MOSPD1: variants seen among roughly 807,000 people sequenced by gnomAD.
The protein encoded by MOSPD1 is motile sperm domain-containing protein 1.
A neutral mutation model predicts 16.7 loss-of-function variants in MOSPD1; 5 were observed. The ratio of observed to expected loss-of-function variants is 0.30; its 90% CI spans 0.16 to 0.63. The LOEUF (loss-of-function observed/expected upper bound fraction) is 0.63. MOSPD1 is among the 30% of genes least tolerant of loss of function. MOSPD1 has a pLI of 0.82. For synonymous variants in MOSPD1, 67 were observed against 59.2 expected (o/e 1.13, Z -0.61); for missense variants, 104 against 153.6 (o/e 0.68, Z 1.71).
intron 1 of MOSPD1, among the ~76,000 whole-genome samples, chrX:134,901,951 AAC>A (rs2082913427): frequency 8.9e-6 from 1 of 112,397 alleles, no homozygotes. Context: ...TATAATTCAT[AAC>A]AGATTATAAA....
chrX:134,907,219 C>T (rs186983920), intron 1 of MOSPD1, among the ~76,000 whole-genome samples: 3 of 110,869 alleles, frequency 2.7e-5, no homozygotes, highest in African/African-American at 9.8e-5. Flanking sequence ...CAGAGCGAAA[C>T]TCCATCTCAA....
chrX:134,907,681 A>G (rs1228526591), intron 1 of MOSPD1, among the ~76,000 whole-genome samples: 1 of 112,672 alleles, frequency 8.9e-6, no homozygotes, highest in African/African-American at 3.2e-5. Context: ...CCTGGCCAAC[A>G]TGGCGAAACC....
In MOSPD1 at chrX:134,910,670, G is replaced by A. The variant is rs967922659; in HGVS notation, c.-102+4512C>T. On this transcript the variant is annotated intron_variant, in intron 1 of 5. Coordinates refer to ENST00000370783, the MANE Select transcript of MOSPD1 (RefSeq NM_019556.3). ...TAGTCTGCAGTAGAAGTGGAGGGCC[G>A]GGTGAATTCCAGGAAGAATGTGTGT... Among the ~76,000 whole-genome samples, 9 of 112,156 alleles carry A rather than the reference G, an allele frequency of 8.0e-5. No homozygotes were observed. In the East Asian group the frequency reaches 1.1e-3, roughly 14 times the overall value.
intron 3 of MOSPD1, among the ~76,000 whole-genome samples, chrX:134,898,038 T>G (rs1336891135): frequency 9.1e-6 from 1 of 109,663 alleles, no homozygotes. Flanking sequence ...CCAGCTATTT[T>G]TTTTTTTAAT....
chrX:134,906,570 A>C (rs911524378), intron 1 of MOSPD1, among the ~76,000 whole-genome samples: 1 of 111,049 alleles, frequency 9.0e-6, no homozygotes. Flanking sequence ...GAGCAATATT[A>C]GCAACTGTGC....
intron 1 of MOSPD1, among the ~76,000 whole-genome samples, chrX:134,906,425 C>A (rs2082943277): frequency 9.2e-6 from 1 of 108,446 alleles, no homozygotes; most frequent in Admixed American, 1.0e-4. Flanking sequence ...ACCTCGTGAT[C>A]CGCCCACCTT....
chrX:134,907,035 C>T (rs182699750), intron 1 of MOSPD1, among the ~76,000 whole-genome samples: 82 of 111,133 alleles, frequency 7.4e-4, no homozygotes, highest in African/African-American at 2.5e-3. Flanking sequence ...TTGAGACCAG[C>T]CTGGCCATCA....
intron 3 of MOSPD1, among the ~76,000 whole-genome samples, chrX:134,897,291 C>T (rs904968661): frequency 2.7e-5 from 3 of 110,043 alleles, no homozygotes; most frequent in Non-Finnish European, 5.7e-5. Context: ...AAGAAAATTC[C>T]TTTTTGGTCA....
chrX:134,896,776 T>C (rs1420684125), intron 4 of MOSPD1, 41 bp downstream of exon 4: 3 of 994,395 alleles, frequency 3.0e-6, no homozygotes, highest in Non-Finnish European at 4.3e-6. Context: ...GTTAATAATG[T>C]GTAAGACCTC....
chrX:134,901,080 C>T (rs1245414089), intron 1 of MOSPD1, among the ~76,000 whole-genome samples: 2 of 111,545 alleles, frequency 1.8e-5, no homozygotes, highest in African/African-American at 6.5e-5. Context: ...AGAGGCCTTT[C>T]CAACTTCTAT....
At chrX:134,901,927 A>G (rs981208363) in intron 1 of MOSPD1, among the ~76,000 whole-genome samples, 3 of 112,268 alleles carry the variant, frequency 2.7e-5, no homozygotes, top group African/African-American at 9.7e-5. Flanking sequence ...CTTAGTAAAG[A>G]TATCTAATAT....
At chrX:134,902,940 T>C (rs1439306530) in intron 1 of MOSPD1, among the ~76,000 whole-genome samples, 5 of 109,923 alleles carry the variant, frequency 4.5e-5, no homozygotes, top group African/African-American at 1.6e-4. Flanking sequence ...TTATTTCTTC[T>C]ACTCAAAAGC....
In MOSPD1 at chrX:134,891,508, T is replaced by C. The variant is rs1407777529; in HGVS notation, c.581A>G (p.Asn194Ser). Residue 194 changes from asparagine to serine, a missense_variant, in exon 5 of 6, where the codon AAT becomes AGT. Coordinates refer to ENST00000370783, the MANE Select transcript of MOSPD1 (RefSeq NM_019556.3). ...LVPLYLHLSVNQKLVAAYILG... is the reference protein window; with the variant it reads ...LVPLYLHLSVSQKLVAAYILG... ...GATATAAGCAGCCACTAATTTTTGA[T>C]TCACACTTAAGTGGAGGTAGAGAGG... 1 of 1,209,057 alleles carries C rather than the reference T, an allele frequency of 8.3e-7. No homozygotes were observed. Among genetic ancestry groups the C allele is most frequent in the African/African-American group, 1.8e-5 (1 of 56,919 alleles).
intron 1 of MOSPD1, among the ~76,000 whole-genome samples, chrX:134,904,031 T>C (rs2082928822): frequency 8.9e-6 from 1 of 112,254 alleles, no homozygotes; most frequent in Non-Finnish European, 1.9e-5. Context: ...AGCACGAATC[T>C]GTCTTGGGAA....
At chrX:134,904,011 T>C (rs1053545060) in intron 1 of MOSPD1, among the ~76,000 whole-genome samples, 1 of 112,081 alleles carries the variant, frequency 8.9e-6, no homozygotes, top group Non-Finnish European at 1.9e-5. Context: ...CACTCCAGCC[T>C]GGGCAACAGA....
chrX:134,897,999 G>T (rs995657562), intron 3 of MOSPD1, among the ~76,000 whole-genome samples: 8 of 110,779 alleles, frequency 7.2e-5, no homozygotes, highest in Non-Finnish European at 1.3e-4. Context: ...CTCCCAAGTA[G>T]CTGGGATTAC....
Position 134,896,887 on chromosome X carries a change from C to T in MOSPD1, c.378G>A (p.Lys126=). ...TLLPSAKEQQ[K]EEEEKRLKEH... is the part of the protein sequence containing the mutation. ...CCTTTAATCTTTTTTCCTCTTCTTC[C>T]TTTTGTTGTTCTTTTGCTGATGGGA... The change falls in exon 4 of 6, where the codon AAG becomes AAA. Residue 126 remains lysine (K), a synonymous_variant. Transcript: ENST00000370783. 1 of 1,210,785 alleles carries T rather than the reference C, an allele frequency of 8.3e-7. No homozygotes were observed. Among genetic ancestry groups the T allele is most frequent in the Non-Finnish European group, 1.1e-6 (1 of 894,678 alleles).
intron 5 of MOSPD1, among the ~76,000 whole-genome samples, chrX:134,889,563 G>A (rs1257640619): frequency 8.9e-6 from 1 of 111,733 alleles, no homozygotes; most frequent in Non-Finnish European, 1.9e-5. Flanking sequence ...GTATCCCAGG[G>A]CCCTAGGGCC....
rs745348189 is a variant in MOSPD1, at chrX:134,906,288, C to T, written c.-101-6754G>A. Among the ~76,000 whole-genome samples the T allele has an allele frequency of 1.6e-4, 16 of 100,829 alleles. 1 individual carries two copies. In the East Asian group the frequency reaches 5.0e-3, roughly 31 times the overall value. The allele number at this position is 100,829 out of a possible 115,157, so 87.6% of individuals were successfully genotyped here. ...CTGCCTCCCGGGTTCAAGCGATTCT[C>T]GTGCCTCAGCCTCCCGAGTAGCTGG... On this transcript the variant is annotated intron_variant, in intron 1 of 5. Transcript: ENST00000370783.
Sources: allele counts gnomAD v4.1 joint callset (sites outside exome capture counted in the v4.1 genomes callset), GRCh38; gene constraint gnomAD v4.1.1; transcripts MANE v1.5; gene names NCBI Gene and HGNC (gene_info 2026-07-23, HGNC 2026-07-21).